Variants in CLASP1 observed in about 807,000 individuals in gnomAD.
CLASP1 encodes the protein cytoplasmic linker associated protein 1, also known as CLIP-associating protein 1.
Under a neutral mutation model 192.3 loss-of-function variants are expected in CLASP1, and 38 were observed. The observed-to-expected ratio is 0.20, with a 90% CI of 0.15 to 0.26. The LOEUF (loss-of-function observed/expected upper bound fraction) is 0.26, where lower values mean the gene tolerates loss of function less well. Ranked by LOEUF, CLASP1 falls within the 10% of genes least tolerant of loss-of-function variation. The pLI, the probability that CLASP1 is intolerant of heterozygous loss-of-function variation, is 1.00. For synonymous variants in CLASP1, 691 were observed against 712.8 expected (o/e 0.97, Z 0.49); for missense variants, 1,433 against 1,932.5 (o/e 0.74, Z 4.85).
intron 2 of CLASP1, among the ~76,000 whole-genome samples, chr2:121,598,810 G>A (rs2063436763): frequency 6.6e-6 from 1 of 152,214 alleles, no homozygotes; most frequent in African/African-American, 2.4e-5. Flanking sequence ...TGTCTGTAAA[G>A]AAACACTTAA....
At chr2:121,387,199 C>G (rs368237661) in exon 32 of CLASP1, 3 of 1,607,668 alleles carry the variant, frequency 1.9e-6, no homozygotes, top group Non-Finnish European at 2.5e-6. Flanking sequence ...GTCGGGAGGG[C>G]GTCCGGCCAA....
At chr2:121,350,607 C>A (rs144143706) in intron 37 of CLASP1, among the ~76,000 whole-genome samples, 167 of 152,308 alleles carry the variant, frequency 1.1e-3, no homozygotes, top group African/African-American at 3.9e-3. Context: ...TGCATGAGTC[C>A]ATGTGTCAGC....
intron 33 of CLASP1, among the ~76,000 whole-genome samples, chr2:121,380,254 G>C (rs571743154): frequency 1.3e-5 from 2 of 152,346 alleles, no homozygotes; most frequent in South Asian, 4.1e-4. Context: ...GGGAGCAGCA[G>C]GACGGCCTCA....
intron 1 of CLASP1, among the ~76,000 whole-genome samples, chr2:121,626,464 C>T (rs1260599751): frequency 1.3e-5 from 2 of 152,216 alleles, no homozygotes; most frequent in Admixed American, 1.3e-4. Flanking sequence ...CTATTCCCTA[C>T]AAAACCTCTG....
chr2:121,555,048 C>T (rs1239601104), intron 2 of CLASP1, among the ~76,000 whole-genome samples: 1 of 152,172 alleles, frequency 6.6e-6, no homozygotes, highest in Non-Finnish European at 1.5e-5. Context: ...GGCCCTGGGT[C>T]AGGAACTGAG....
At chr2:121,527,676 A>C in intron 5 of CLASP1, 123 bp downstream of exon 5, 1 of 699,974 alleles carries the variant, frequency 1.4e-6, no homozygotes, top group Non-Finnish European at 2.5e-6. Flanking sequence ...AAGGGTGGGT[A>C]AAGGGGGCAT....
At chr2:121,427,022 T>C (rs1039455972) in intron 21 of CLASP1, among the ~76,000 whole-genome samples, 11 of 151,788 alleles carry the variant, frequency 7.2e-5, no homozygotes, top group African/African-American at 2.7e-4. Flanking sequence ...ATTTTAAATA[T>C]ATATTATTTA....
At chr2:121,459,845 G>T in intron 12 of CLASP1, 135 bp downstream of exon 12, 1 of 677,328 alleles carries the variant, frequency 1.5e-6, no homozygotes, top group Non-Finnish European at 2.2e-6. Context: ...TGAAAGAAGT[G>T]TTAACTGGAA....
At chr2:121,480,112 G>GT (rs1553571049) in intron 8 of CLASP1, among the ~76,000 whole-genome samples, 1 of 152,180 alleles carries the variant, frequency 6.6e-6, no homozygotes, top group Non-Finnish European at 1.5e-5. Flanking sequence ...TACAGATAAC[G>GT]TGAGAAGAGA....
chr2:121,626,058 C>T (rs2068300819), intron 1 of CLASP1, among the ~76,000 whole-genome samples: 2 of 151,122 alleles, frequency 1.3e-5, no homozygotes, highest in South Asian at 4.2e-4. Context: ...TGAGATGGCA[C>T]CACTGCATTC....
chr2:121,371,491 G>A (rs1167987930), intron 34 of CLASP1, among the ~76,000 whole-genome samples: 2 of 150,060 alleles, frequency 1.3e-5, no homozygotes, highest in African/African-American at 4.9e-5. Flanking sequence ...CTCCTGCCTT[G>A]GCCTCCCAAA....
intron 6 of CLASP1, among the ~76,000 whole-genome samples, chr2:121,522,072 G>A (rs1458175160): frequency 6.6e-6 from 1 of 152,214 alleles, no homozygotes; most frequent in African/African-American, 2.4e-5. Context: ...GGGGAGGTAG[G>A]TGGCAGAACT....
At chr2:121,425,103 T>A (rs1016467960) in intron 22 of CLASP1, 36 bp downstream of exon 22, 3 of 1,566,282 alleles carry the variant, frequency 1.9e-6, no homozygotes, top group Non-Finnish European at 2.6e-6. Flanking sequence ...ATGACCAAGC[T>A]GGGAATGGTA....
chr2:121,500,407 AAG>A (rs1276082938), intron 8 of CLASP1, among the ~76,000 whole-genome samples: 2 of 151,394 alleles, frequency 1.3e-5, no homozygotes, highest in South Asian at 2.1e-4. Context: ...AAAAGAAAGA[AAG>A]AAAGAAAAAA....
intron 2 of CLASP1, among the ~76,000 whole-genome samples, chr2:121,597,680 G>A (rs901278495): frequency 5.9e-5 from 9 of 152,158 alleles, no homozygotes; most frequent in East Asian, 3.8e-4. Context: ...TTGAAACTGC[G>A]GAGAAAGGCC....
rs763786601 is a variant in CLASP1, at chr2:121,530,891, T to G, written c.196-566A>C. ...GGACTTTCTATTATAACCATCCTTT[T>G]CTTGGGGTTGCGCTACTGTCCAATG... On this transcript the variant is annotated intron_variant, in intron 2 of 39. Coordinates refer to ENST00000263710, the Ensembl canonical transcript of CLASP1. 2.6e-5 allele frequency: 18 copies of G among 693,630 alleles called. 1 individual carries two copies. The highest frequency in any genetic ancestry group is 1.9e-4 in the South Asian group (13 of 67,280). The allele number at this position is 693,630 out of a possible 1,614,324, so 43.0% of individuals were successfully genotyped here.
At chr2:121,493,983 T>C (rs1157536476) in intron 8 of CLASP1, among the ~76,000 whole-genome samples, 4 of 152,212 alleles carry the variant, frequency 2.6e-5, no homozygotes, top group African/African-American at 9.7e-5. Context: ...AAGGGAACTC[T>C]TGTACACTGT....
In CLASP1 at chr2:121,522,084, C is replaced by G. The variant is rs574725348; in HGVS notation, c.546+3761G>C. ...ATCGGGGAGGTAGGTGGCAGAACTTCCTGGCAGAAGGGAGACATGGATTGA... is the reference window on the plus strand; with the variant it reads ...ATCGGGGAGGTAGGTGGCAGAACTTGCTGGCAGAAGGGAGACATGGATTGA... On this transcript the variant is annotated intron_variant, in intron 6 of 39. Coordinates refer to ENST00000263710, the Ensembl canonical transcript of CLASP1. Among the ~76,000 whole-genome samples the G allele has an allele frequency of 3.3e-4, 50 of 152,172 alleles. 1 individual carries two copies. The highest frequency in any genetic ancestry group is 3.3e-3 in the Admixed American group (50 of 15,278).
intron 8 of CLASP1, among the ~76,000 whole-genome samples, chr2:121,479,077 A>G (rs1012889706): frequency 1.5e-4 from 16 of 108,102 alleles, no homozygotes; most frequent in African/African-American, 5.6e-4. Flanking sequence ...CACACACACC[A>G]TCAACAACAT....
Sources: gnomAD v4.1 joint callset for allele counts (sites outside exome capture counted in the v4.1 genomes callset) on GRCh38, gnomAD v4.1.1 for gene constraint, MANE v1.5 for transcripts, NCBI Gene and HGNC (gene_info 2026-07-23, HGNC 2026-07-21) for gene names.